The following MAP3K5 variants were observed in gnomAD, a reference collection of about 807,000 sequenced individuals.
MAP3K5 encodes the protein ASK-1.
Under a neutral mutation model 158.7 loss-of-function variants are expected in MAP3K5, and 56 were observed. That is an observed-to-expected ratio of 0.35 (90% confidence interval 0.28 to 0.44). MAP3K5 has a LOEUF of 0.44. MAP3K5 is among the 20% of genes least tolerant of loss of function. The probability of loss-of-function intolerance (pLI) is 1.00; values close to 1 mark genes in which losing one functional copy is unlikely to be tolerated. For synonymous variants in MAP3K5, 579 were observed against 601.7 expected (o/e 0.96, Z 0.55); for missense variants, 1,294 against 1,674.8 (o/e 0.77, Z 3.97).
chr6:136,570,133 C>T (rs747572992), intron 25 of MAP3K5, among the ~76,000 whole-genome samples: 2 of 152,176 alleles, frequency 1.3e-5, no homozygotes, highest in Admixed American at 6.5e-5. Flanking sequence ...CCCGTGTGTA[C>T]AGGAGGGGAG....
chr6:136,700,574 G>C (rs939551246), intron 3 of MAP3K5, among the ~76,000 whole-genome samples: 6 of 152,208 alleles, frequency 3.9e-5, no homozygotes, highest in African/African-American at 1.4e-4. Context: ...CTGAATTCTA[G>C]TTAAAATATG....
chr6:136,614,125 A>G (rs761936911), intron 16 of MAP3K5, 34 bp downstream of exon 16: 1 of 1,606,312 alleles, frequency 6.2e-7, no homozygotes, highest in Non-Finnish European at 8.5e-7. Flanking sequence ...AGCTCTAAAC[A>G]TTCACACTTT....
chr6:136,734,421 G>GAAAAAAAAA (rs1016817563), intron 1 of MAP3K5, among the ~76,000 whole-genome samples: 1 of 56,738 alleles, frequency 1.8e-5, no homozygotes. Flanking sequence ...CTCTGTCTCG[G>GAAAAAAAAA]AAAAAAAAAA....
intron 11 of MAP3K5, among the ~76,000 whole-genome samples, chr6:136,647,464 A>G (rs1778316338): frequency 6.6e-6 from 1 of 152,236 alleles, no homozygotes; most frequent in African/African-American, 2.4e-5. Context: ...CCCTGGGTTC[A>G]TAATTCACAT....
At position 136,720,567 on chromosome 6, in the gene MAP3K5, G is replaced by A. The variant is rs1023428756; in HGVS notation, c.471C>T (p.Ser157=). 11 of 1,611,078 alleles carry A rather than the reference G, an allele frequency of 6.8e-6. No individual in the cohort carries two copies. Among genetic ancestry groups the A allele is most frequent in the Admixed American group, 1.7e-5 (1 of 59,380 alleles). ...ACAAGGACGGCTGCCGGAAGGCATC[G>A]CTCATCTCCACCACCGCAATATCTG... ...YNADIAVVEM[S]DAFRQPSLFY... Residue 157 remains serine, a synonymous_variant, in exon 2 of 30, where the codon AGC becomes AGT. Coordinates refer to ENST00000359015, the MANE Select transcript of MAP3K5 (RefSeq NM_005923.4).
Position 136,782,346 on chromosome 6 carries a change from G to A in MAP3K5, c.448+9364C>T, listed in dbSNP as rs1316865045. On this transcript the variant is annotated intron_variant, in intron 1 of 29. Transcript: ENST00000359015. Reference sequence around the variant, plus strand: ...ATAGAAGTAATCAACATTTTTAAAGGAGAGAGAATTCTCTGGCTTAGGCAA... The same window carrying A: ...ATAGAAGTAATCAACATTTTTAAAGAAGAGAGAATTCTCTGGCTTAGGCAA... 2.6e-5 allele frequency among the ~76,000 whole-genome samples: 4 copies of A among 151,816 alleles called. No individual in the cohort carries two copies. The East Asian group carries it at 7.7e-4, about 29-fold the overall frequency.
intron 1 of MAP3K5, among the ~76,000 whole-genome samples, chr6:136,753,905 C>T (rs1034800530): frequency 3.9e-5 from 6 of 152,246 alleles, no homozygotes; most frequent in East Asian, 3.9e-4. Flanking sequence ...AAGTGACGAG[C>T]GCATTTCAGG....
At chr6:136,715,728 T>G (rs1250570410) in intron 2 of MAP3K5, among the ~76,000 whole-genome samples, 1 of 152,090 alleles carries the variant, frequency 6.6e-6, no homozygotes, top group Non-Finnish European at 1.5e-5. Context: ...CTCTATAATA[T>G]TCCATTAAAT....
chr6:136,562,366 TA>T, intron 27 of MAP3K5, 136 bp downstream of exon 27: 12 of 443,328 alleles, frequency 2.7e-5, no homozygotes, highest in East Asian at 6.9e-5. Flanking sequence ...TTTTTTTTTT[TA>T]AAGGAATTCC....
At chr6:136,656,196 T>A (rs1399061299) in intron 10 of MAP3K5, 111 bp downstream of exon 10, 2 of 810,292 alleles carry the variant, frequency 2.5e-6, no homozygotes. Flanking sequence ...ATTAACCAGA[T>A]GACTGCAGTT....
chr6:136,730,945 C>A (rs1016328771), intron 1 of MAP3K5, among the ~76,000 whole-genome samples: 2 of 152,138 alleles, frequency 1.3e-5, no homozygotes, highest in Non-Finnish European at 2.9e-5. Context: ...AATTAAAAAG[C>A]ATGCTATGTA....
At chr6:136,637,720 C>T (rs950494811) in intron 13 of MAP3K5, among the ~76,000 whole-genome samples, 4 of 151,266 alleles carry the variant, frequency 2.6e-5, no homozygotes, top group African/African-American at 9.7e-5. Flanking sequence ...CAGTGAGAAA[C>T]AGATTGGCAT....
At chr6:136,614,615 C>G (rs1013809689) in intron 15 of MAP3K5, among the ~76,000 whole-genome samples, 2 of 152,164 alleles carry the variant, frequency 1.3e-5, no homozygotes, top group Non-Finnish European at 2.9e-5. Context: ...TATTAAGTGA[C>G]AGAGCTAAGA....
At chr6:136,713,797 C>A (rs1454474635) in intron 2 of MAP3K5, among the ~76,000 whole-genome samples, 1 of 152,072 alleles carries the variant, frequency 6.6e-6, no homozygotes, top group Admixed American at 6.6e-5. Context: ...GTTTTTAAAT[C>A]AACAGCTGGT....
At chr6:136,789,477 A>C (rs1313238035) in intron 1 of MAP3K5, among the ~76,000 whole-genome samples, 1 of 152,078 alleles carries the variant, frequency 6.6e-6, no homozygotes, top group Non-Finnish European at 1.5e-5. Flanking sequence ...AGGTTGAAAG[A>C]AGCAGTACGA....
intron 1 of MAP3K5, among the ~76,000 whole-genome samples, chr6:136,745,353 C>A (rs1782891570): frequency 6.6e-6 from 1 of 152,052 alleles, no homozygotes; most frequent in Non-Finnish European, 1.5e-5. Context: ...CCATGTTCAA[C>A]TCTCAACACA....
At chr6:136,702,413 G>A (rs1179373851) in intron 3 of MAP3K5, among the ~76,000 whole-genome samples, 1 of 152,156 alleles carries the variant, frequency 6.6e-6, no homozygotes, top group African/African-American at 2.4e-5. Flanking sequence ...GTGTAACTTA[G>A]AAATGTTATT....
intron 8 of MAP3K5, among the ~76,000 whole-genome samples, chr6:136,661,288 T>C (rs1329679602): frequency 6.6e-6 from 1 of 152,138 alleles, no homozygotes. Flanking sequence ...TTCTTCACAT[T>C]TTGTGAGGGT....
intron 12 of MAP3K5, among the ~76,000 whole-genome samples, chr6:136,641,620 A>G (rs1275300024): frequency 6.6e-6 from 1 of 150,818 alleles, no homozygotes. Flanking sequence ...TAATCTCAAG[A>G]TCAATGCAGG....
Sources: gnomAD v4.1 joint callset for allele counts (sites outside exome capture counted in the v4.1 genomes callset) on GRCh38, gnomAD v4.1.1 for gene constraint, MANE v1.5 for transcripts, NCBI Gene and HGNC (gene_info 2026-07-23, HGNC 2026-07-21) for gene names.